PIK3CB: variants seen among roughly 807,000 people sequenced by gnomAD.
PIK3CB encodes phosphatidylinositol-4,5-bisphosphate 3-kinase catalytic subunit beta, also known as phosphatidylinositol 4,5-bisphosphate 3-kinase catalytic subunit beta isoform.
In PIK3CB, 39 loss-of-function variants were observed where a neutral mutation model predicts 136.8. The ratio of observed to expected loss-of-function variants is 0.29; its 90% confidence interval spans 0.22 to 0.37. The LOEUF is 0.37. Among genes scored for constraint, PIK3CB ranks in the 10% least tolerant of loss-of-function variants. The pLI is 1.00. For missense variants in PIK3CB, 868 were observed against 1,275.4 expected (o/e 0.68, Z 4.87); for synonymous variants, 428 against 436.6 (o/e 0.98, Z 0.25).
chr3:138,834,500 C>T (rs898763204), intron 1 of PIK3CB, among the ~76,000 whole-genome samples, 195 bp downstream of exon 1: 11 of 152,290 alleles, frequency 7.2e-5, no homozygotes, highest in South Asian at 4.1e-4. Context: ...GCAACCAAGC[C>T]AGACGCCCCC....
At chr3:138,733,839 C>G (rs909091927) in intron 7 of PIK3CB, among the ~76,000 whole-genome samples, 2 of 152,008 alleles carry the variant, frequency 1.3e-5, no homozygotes, top group Non-Finnish European at 2.9e-5. Flanking sequence ...GATTGCGCCA[C>G]TGCACTCCAG....
chr3:138,718,622 T>C (rs1265045025), intron 8 of PIK3CB, among the ~76,000 whole-genome samples: 1 of 152,236 alleles, frequency 6.6e-6, no homozygotes, highest in Non-Finnish European at 1.5e-5. Flanking sequence ...TTGCCTAGGT[T>C]GTCTTCCAGG....
At chr3:138,798,984 T>C (rs2046139914) in intron 1 of PIK3CB, among the ~76,000 whole-genome samples, 1 of 151,936 alleles carries the variant, frequency 6.6e-6, no homozygotes, top group African/African-American at 2.4e-5. Context: ...ATCCAGTTAC[T>C]TGGGAGGCCA....
intron 23 of PIK3CB, 87 bp from the exon 24 acceptor site, chr3:138,655,613 T>A: frequency 9.8e-7 from 1 of 1,016,184 alleles, no homozygotes. Context: ...GGATTGGTTG[T>A]GCCTCCCCAG....
chr3:138,768,933 G>T (rs1472746064), intron 2 of PIK3CB, among the ~76,000 whole-genome samples: 1 of 152,190 alleles, frequency 6.6e-6, no homozygotes, highest in African/African-American at 2.4e-5. Context: ...GGCCCCTAAG[G>T]AGTGTGGGGA....
At position 138,680,939 on chromosome 3, in the gene PIK3CB, C is replaced by T. The variant is rs368866718; in HGVS notation, c.2504+1028G>A. On this transcript the variant is annotated intron_variant, in intron 19 of 23. Coordinates refer to ENST00000674063, the MANE Select transcript of PIK3CB (RefSeq NM_006219.3). The stretch of plus-strand genomic sequence containing the variant: ...GGGACCTCAGGCAATCCACCTGCCT[C>T]GGCCTCCCAAAGGGCTAGGATTACA... Among the ~76,000 whole-genome samples the T allele has an allele frequency of 5.9e-5, 9 of 151,596 alleles. No homozygotes were observed. The East Asian group carries it at 1.4e-3, about 23-fold the overall frequency.
chr3:138,834,802 A>C lies in PIK3CB; in HGVS notation c.-229T>G, dbSNP rs1054547092. ...GGCGCCCCCATCCCTGCCTCTCTCG[A>C]TCACCTCCCGCCTGCCCCGCGCAGC... On this transcript the variant is annotated 5_prime_UTR_variant, in exon 1 of 24. Coordinates refer to ENST00000674063, the MANE Select transcript of PIK3CB (RefSeq NM_006219.3). The C allele has an allele frequency of 6.5e-6, 1 of 152,804 alleles. No individual in the cohort carries two copies. Among genetic ancestry groups the C allele is most frequent in the African/African-American group, 2.4e-5 (1 of 41,272 alleles). 9.5% of individuals were successfully genotyped at this position (152,804 alleles called of 1,614,324 possible).
intron 1 of PIK3CB, among the ~76,000 whole-genome samples, chr3:138,800,473 C>A (rs1296252735): frequency 6.6e-6 from 1 of 151,754 alleles, no homozygotes; most frequent in Non-Finnish European, 1.5e-5. Context: ...CAGGCGTGTG[C>A]CACCACACCC....
chr3:138,765,164 A>G (rs764616975), intron 2 of PIK3CB, among the ~76,000 whole-genome samples: 14 of 152,170 alleles, frequency 9.2e-5, no homozygotes, highest in Non-Finnish European at 1.6e-4. Flanking sequence ...TACTAAAAAT[A>G]CAAAAATTAG....
At chr3:138,717,939 T>C (rs903363403) in intron 8 of PIK3CB, among the ~76,000 whole-genome samples, 2 of 152,202 alleles carry the variant, frequency 1.3e-5, no homozygotes, top group Non-Finnish European at 2.9e-5. Context: ...CTGTCACTGA[T>C]GGGCATTTAG....
chr3:138,662,287 G>T (rs2043312788), intron 21 of PIK3CB, among the ~76,000 whole-genome samples: 1 of 116,332 alleles, frequency 8.6e-6, no homozygotes, highest in African/African-American at 3.7e-5. Flanking sequence ...ACAGTCCCCA[G>T]AGTGTGATGT....
At chr3:138,659,616 T>C (rs2043252321) in intron 21 of PIK3CB, among the ~76,000 whole-genome samples, 1 of 152,162 alleles carries the variant, frequency 6.6e-6, no homozygotes, top group South Asian at 2.1e-4. Flanking sequence ...ATTGCCAATG[T>C]AGCTATTGAG....
chr3:138,712,622 G>T (rs2044526230), intron 9 of PIK3CB, among the ~76,000 whole-genome samples: 1 of 150,112 alleles, frequency 6.7e-6, no homozygotes, highest in Admixed American at 6.6e-5. Flanking sequence ...AGGCTGGAGT[G>T]GTGGTGTGAT....
rs1418719957 is a variant in PIK3CB at position 138,665,007 on chromosome 3, AAAATGATAATT to A, written c.2672+18_2672+28del. On this transcript the variant is annotated intron_variant, in intron 20 of 23. Transcript: ENST00000674063. ...GTATTTGTTTGGCTGTTTGTACAGAAAAATGATAATTAAACAGAATAAACTAACCCAGAGTT... is the reference window on the plus strand; with the variant it reads ...GTATTTGTTTGGCTGTTTGTACAGAAAAACAGAATAAACTAACCCAGAGTT... 1 of 1,516,182 alleles carries A rather than the reference AAAATGATAATT, an allele frequency of 6.6e-7. No individual in the cohort carries two copies. Among genetic ancestry groups the A allele is most frequent in the East Asian group, 2.3e-5 (1 of 43,296 alleles). The allele number at this position is 1,516,182 out of a possible 1,614,324, so 93.9% of individuals were successfully genotyped here.
chr3:138,656,226 C>A lies in PIK3CB; in HGVS notation c.2991G>T (p.Gly997=). 1 of 1,614,122 alleles carries A rather than the reference C, an allele frequency of 6.2e-7. No homozygotes were observed. Among genetic ancestry groups the A allele is most frequent in the Non-Finnish European group, 8.5e-7 (1 of 1,180,004 alleles). ...GCGCAAAGAGAGTGATGAAGAGATT[C>A]CCATGCCGTCGTAAAATCAGATATG... ...EDAYLILRRH[G]NLFITLFALM... is the part of the protein sequence containing the mutation. Residue 997 remains glycine, a synonymous_variant, in exon 23 of 24, where the codon GGG becomes GGT. Coordinates refer to ENST00000674063, the MANE Select transcript of PIK3CB (RefSeq NM_006219.3).
intron 1 of PIK3CB, among the ~76,000 whole-genome samples, chr3:138,827,385 T>C (rs1485243214): frequency 2.6e-5 from 4 of 152,058 alleles, no homozygotes; most frequent in Admixed American, 6.5e-5. Context: ...CTGGGTTCAG[T>C]GGCTCTAGCC....
Position 138,655,315 on chromosome 3 carries a change from A to G in PIK3CB, c.*74T>C. ...CCTTTATAACATCTCTAACAGGGTCATGTTCAATTTAGTGCAAGTGCAAAA... is the reference window on the plus strand; with the variant it reads ...CCTTTATAACATCTCTAACAGGGTCGTGTTCAATTTAGTGCAAGTGCAAAA... On this transcript the variant is annotated 3_prime_UTR_variant, in exon 24 of 24. Coordinates refer to ENST00000674063, the MANE Select transcript of PIK3CB (RefSeq NM_006219.3). 1 of 1,418,286 alleles carries G rather than the reference A, an allele frequency of 7.1e-7. No homozygotes were observed. The highest frequency in any genetic ancestry group is 1.2e-5 in the South Asian group (1 of 84,656). The allele number at this position is 1,418,286 out of a possible 1,614,324, so 87.9% of individuals were successfully genotyped here. A position where few individuals can be genotyped will look rare whatever the true frequency, so the allele number is the denominator to read the frequency against.
chr3:138,803,145 AC>A lies in PIK3CB; in HGVS notation c.-121-6579del, dbSNP rs1320750144. Among the ~76,000 whole-genome samples, 4 of 152,260 alleles carry A rather than the reference AC, an allele frequency of 2.6e-5. No homozygotes were observed. In the South Asian group the frequency reaches 8.3e-4, roughly 32 times the overall value. On this transcript the variant is annotated intron_variant, in intron 1 of 23. Coordinates refer to ENST00000674063, the MANE Select transcript of PIK3CB (RefSeq NM_006219.3). ...AGGGCATCTTAAACTGTAAACAAAC[AC>A]CCACTGCTCCAGTCTTCCACCAGAA...
chr3:138,832,439 C>A (rs1426236688), intron 1 of PIK3CB, among the ~76,000 whole-genome samples: 1 of 152,036 alleles, frequency 6.6e-6, no homozygotes, highest in Non-Finnish European at 1.5e-5. Flanking sequence ...TGCCTGTAAT[C>A]CCAGCATTTT....
Sources: allele counts gnomAD v4.1 joint callset (sites outside exome capture counted in the v4.1 genomes callset), GRCh38; gene constraint gnomAD v4.1.1; transcripts MANE v1.5; gene names NCBI Gene and HGNC (gene_info 2026-07-23, HGNC 2026-07-21).